Variants in CCDC141 observed in about 807,000 individuals in gnomAD.
The protein encoded by CCDC141 is coiled-coil domain-containing protein 141.
In CCDC141, 168 loss-of-function variants were observed where a neutral mutation model predicts 181.0. That is an observed-to-expected ratio of 0.93 (90% CI 0.82 to 1.05). The LOEUF is 1.05. CCDC141 is among the 50% of genes least tolerant of loss of function. CCDC141 has a pLI of 0.00. For synonymous variants in CCDC141, 666 were observed against 642.3 expected, an observed-to-expected ratio of 1.04 and a Z score of -0.56; for missense variants, 1,902 against 1,788.5, an observed-to-expected ratio of 1.06 and a Z score of -1.14.
At chr2:178,961,516 G>C (rs1690400583) in intron 4 of CCDC141, 33 bp from the exon 5 acceptor site, 1 of 1,482,376 alleles carries the variant, frequency 6.7e-7, no homozygotes, top group South Asian at 1.3e-5. Flanking sequence ...AAAGAATAAT[G>C]ATATTAGCAA....
At chr2:178,818,010 C>A in the CCDC141 span, among the ~76,000 whole-genome samples, 1 of 152,092 alleles carries the variant, frequency 6.6e-6, no homozygotes, top group Non-Finnish European at 1.5e-5. Flanking sequence ...ACTATGTTGG[C>A]CAGGCTGGTC....
At chr2:178,988,334 G>A (rs1691857573) in intron 2 of CCDC141, among the ~76,000 whole-genome samples, 1 of 110,632 alleles carries the variant, frequency 9.0e-6, no homozygotes. Context: ...TGGGGGGAGG[G>A]GGGAGGGATA....
intron 16 of CCDC141, 93 bp downstream of exon 16, chr2:178,867,933 A>G: frequency 5.1e-6 from 5 of 978,110 alleles, no homozygotes; most frequent in Non-Finnish European, 7.3e-6. Flanking sequence ...TTTAAATTTA[A>G]CATATACTAA....
At chr2:178,981,698 AG>A (rs1433480586) in intron 2 of CCDC141, among the ~76,000 whole-genome samples, 1 of 142,020 alleles carries the variant, frequency 7.0e-6, no homozygotes, top group Admixed American at 7.2e-5. Flanking sequence ...AGAGAGAGAG[AG>A]AGAAAAAAAA....
chr2:178,860,835 TC>T lies in CCDC141; in HGVS notation c.2725-4439del, dbSNP rs796471584. Among the ~76,000 whole-genome samples, 21 of 152,226 alleles carry T rather than the reference TC, an allele frequency of 1.4e-4. 2 individuals are homozygous for T. The highest frequency in any genetic ancestry group is 5.1e-4 in the African/African-American group (21 of 41,544). ...CTTAAATTGTAGGTAGCAACAGGCATCAGTAATACATATTTTATCCATTTTG... is the reference window on the plus strand; with the variant it reads ...CTTAAATTGTAGGTAGCAACAGGCATAGTAATACATATTTTATCCATTTTG... On this transcript the variant is annotated intron_variant, in intron 17 of 23. Coordinates refer to ENST00000443758, the MANE Select transcript of CCDC141 (RefSeq NM_173648.4).
downstream of CCDC141, among the ~76,000 whole-genome samples, chr2:178,829,493 C>T (rs549725896): frequency 9.9e-4 from 151 of 152,318 alleles, no homozygotes; most frequent in Non-Finnish European, 1.6e-3. Flanking sequence ...AGGAACAGTG[C>T]TGTGGAGATT....
chr2:179,002,461 G>A, intron 2 of CCDC141: 1 of 404,564 alleles, frequency 2.5e-6, no homozygotes. Context: ...GGGCCCAAAA[G>A]AGCTAGCAGA....
Position 178,843,818 on chromosome 2 carries a change from T to A in CCDC141, c.3474+1808A>T, listed in dbSNP as rs116253139. Reference sequence around the variant, plus strand: ...ATCTACATATAAATAATACAGACAATAAGAGGGTAAATGTGATTGAGCTAC... The same window carrying A: ...ATCTACATATAAATAATACAGACAAAAAGAGGGTAAATGTGATTGAGCTAC... On this transcript the variant is annotated intron_variant, in intron 22 of 23. Transcript: ENST00000443758. Among the ~76,000 whole-genome samples the A allele has an allele frequency of 7.5e-3, 1,138 of 152,186 alleles. 7 individuals carry two copies. The highest frequency in any genetic ancestry group is 0.01 in the South Asian group (49 of 4,828).
chr2:178,837,816 T>C, intron 22 of CCDC141, 72 bp from the exon 23 acceptor site: 1 of 1,512,862 alleles, frequency 6.6e-7, no homozygotes, highest in South Asian at 1.3e-5. Context: ...ACAGTAAAAC[T>C]CAACTTCAGA....
the CCDC141 span, among the ~76,000 whole-genome samples, chr2:178,823,544 A>T: frequency 2.0e-5 from 3 of 152,236 alleles, no homozygotes; most frequent in African/African-American, 4.8e-5. Flanking sequence ...ATCTAGATTC[A>T]GTACTTTTAT....
At chr2:179,016,917 C>A (rs149424225) in intron 2 of CCDC141, among the ~76,000 whole-genome samples, 1 of 151,866 alleles carries the variant, frequency 6.6e-6, no homozygotes, top group African/African-American at 2.4e-5. Context: ...TGAATTGGTC[C>A]CCAGGCAAAT....
At chr2:179,008,474 C>G (rs1015150028) in intron 2 of CCDC141, among the ~76,000 whole-genome samples, 2 of 152,170 alleles carry the variant, frequency 1.3e-5, no homozygotes, top group Admixed American at 1.3e-4. Flanking sequence ...TATTCTCCCT[C>G]TACAACTTGA....
intron 21 of CCDC141, among the ~76,000 whole-genome samples, chr2:178,849,323 T>G (rs571763289): frequency 3.3e-5 from 5 of 152,292 alleles, no homozygotes; most frequent in Admixed American, 1.3e-4. Flanking sequence ...ATTAAATAAT[T>G]TACCCAAGGT....
chr2:178,878,269 A>ATATTTATT (rs1346754664), intron 11 of CCDC141, 126 bp from the exon 12 acceptor site: 14 of 314,624 alleles, frequency 4.4e-5, no homozygotes, highest in Middle Eastern at 8.8e-4. Flanking sequence ...ATTTGTAAAC[A>ATATTTATT]TATTTATTTA....
Position 178,833,987 on chromosome 2 carries a change from T to G in CCDC141, c.*186A>C, listed in dbSNP as rs1465051167. 1 of 609,720 alleles carries G rather than the reference T, an allele frequency of 1.6e-6. No homozygotes were observed. The highest frequency in any genetic ancestry group is 2.8e-6 in the Non-Finnish European group (1 of 356,806). The allele number at this position is 609,720 out of a possible 1,614,324, so 37.8% of individuals were successfully genotyped here. On this transcript the variant is annotated 3_prime_UTR_variant, in exon 24 of 24. Transcript: ENST00000443758. ...CACTACAGATAATTTACCAAGCTTC[T>G]CAAATATATTAAACGCTCCAGAAAA...
chr2:178,995,364 T>G (rs1031085024), intron 2 of CCDC141, among the ~76,000 whole-genome samples: 4 of 152,094 alleles, frequency 2.6e-5, no homozygotes, highest in African/African-American at 4.8e-5. Flanking sequence ...CCATCAGATC[T>G]CATAAGACTT....
chr2:178,878,478 ATTTTTT>A (rs766496516), intron 11 of CCDC141, among the ~76,000 whole-genome samples: 20 of 114,626 alleles, frequency 1.7e-4, no homozygotes, highest in African/African-American at 5.6e-4. Flanking sequence ...GGCCTGGCTA[ATTTTTT>A]TTTTTTTTTT....
At chr2:178,835,029 A>G (rs903698954) in intron 23 of CCDC141, among the ~76,000 whole-genome samples, 25 of 152,212 alleles carry the variant, frequency 1.6e-4, no homozygotes, top group African/African-American at 6.0e-4. Flanking sequence ...AAAACAAAGC[A>G]GACCATTTGG....
At chr2:178,816,474 G>A in the CCDC141 span, among the ~76,000 whole-genome samples, 4 of 152,188 alleles carry the variant, frequency 2.6e-5, no homozygotes, top group Non-Finnish European at 4.4e-5. Context: ...CCAAGTTTTC[G>A]CCATTATGAA....
Sources: allele counts gnomAD v4.1 joint callset (sites outside exome capture counted in the v4.1 genomes callset), GRCh38; gene constraint gnomAD v4.1.1; transcripts MANE v1.5; gene names NCBI Gene and HGNC (gene_info 2026-07-23, HGNC 2026-07-21).